Variants in GRIA3 observed in about 807,000 individuals in gnomAD.
GRIA3 encodes glutamate receptor 3.
Under a neutral mutation model 63.0 loss-of-function variants are expected in GRIA3, and 3 were observed. The ratio of observed to expected loss-of-function variants is 0.05; its 90% CI spans 0.02 to 0.12. The LOEUF is 0.12. GRIA3 is among the 10% of genes least tolerant of loss of function. The pLI is 1.00. For synonymous variants in GRIA3, 274 were observed against 257.9 expected, an observed-to-expected ratio of 1.06 and a Z score of -0.60; for missense variants, 347 against 700.9, an observed-to-expected ratio of 0.50 and a Z score of 5.70.
At chrX:123,401,133 C>T (rs748493974) in intron 7 of GRIA3, among the ~76,000 whole-genome samples, 4 of 111,511 alleles carry the variant, frequency 3.6e-5, no homozygotes, top group Non-Finnish European at 7.6e-5. Context: ...AGACGGGATG[C>T]GGGGAAACTG....
intron 2 of GRIA3, among the ~76,000 whole-genome samples, chrX:123,222,841 T>G (rs1433000508): frequency 8.9e-6 from 1 of 111,881 alleles, no homozygotes. Flanking sequence ...TTCTGACTGT[T>G]CTCCACTTTC....
chrX:123,407,034 T>C (rs898066583), intron 10 of GRIA3, among the ~76,000 whole-genome samples: 1 of 111,901 alleles, frequency 8.9e-6, no homozygotes. Context: ...CTTTAATGAA[T>C]CAATGCCTGG....
At chrX:123,260,422 CAGACAGAA>C (rs1256870467) in intron 3 of GRIA3, among the ~76,000 whole-genome samples, 17 of 5,804 alleles carry the variant, frequency 2.9e-3, no homozygotes, top group Non-Finnish European at 5.2e-3. Context: ...GACAGACAGA[CAGACAGAA>C]AGAAAGAAAG....
At chrX:123,462,271 T>G (rs2045797108) in intron 12 of GRIA3, among the ~76,000 whole-genome samples, 1 of 111,403 alleles carries the variant, frequency 9.0e-6, no homozygotes, top group Non-Finnish European at 1.9e-5. Flanking sequence ...ATCACACCCC[T>G]CCTCAAAATC....
chrX:123,286,129 C>CAACTACCT (rs2044618097), intron 3 of GRIA3, among the ~76,000 whole-genome samples: 1 of 111,778 alleles, frequency 8.9e-6, no homozygotes, highest in African/African-American at 3.3e-5. Context: ...CAAAACTGCG[C>CAACTACCT]GACTACCTGG....
chrX:123,367,735 C>A (rs746267078), intron 5 of GRIA3, among the ~76,000 whole-genome samples: 2 of 111,436 alleles, frequency 1.8e-5, no homozygotes, highest in Admixed American at 9.6e-5. Context: ...CCGTGTCCAG[C>A]CTTCTGGATG....
At chrX:123,199,705 G>A (rs932895384) in intron 2 of GRIA3, among the ~76,000 whole-genome samples, 2 of 111,619 alleles carry the variant, frequency 1.8e-5, no homozygotes. Context: ...TTAAGTAGGT[G>A]GCAGAGAGGA....
intron 2 of GRIA3, among the ~76,000 whole-genome samples, chrX:123,242,240 T>C (rs747516764): frequency 1.8e-5 from 2 of 112,307 alleles, no homozygotes; most frequent in South Asian, 7.5e-4. Context: ...TAGTTCATTT[T>C]TGAGAATAAT....
At chrX:123,465,551 C>T in intron 13 of GRIA3, 1 of 562,077 alleles carries the variant, frequency 1.8e-6, no homozygotes, top group Non-Finnish European at 3.1e-6. Context: ...GCTGTACAGA[C>T]ATTTTTATAG....
chrX:123,250,581 T>C (rs979569397), intron 2 of GRIA3, among the ~76,000 whole-genome samples: 10 of 111,794 alleles, frequency 8.9e-5, no homozygotes, highest in Non-Finnish European at 1.7e-4. Context: ...TATTTTTGTA[T>C]AGGATTCATG....
At chrX:123,403,214 G>A in intron 8 of GRIA3, 116 bp downstream of exon 8, 1 of 596,784 alleles carries the variant, frequency 1.7e-6, no homozygotes, top group East Asian at 3.3e-5. Flanking sequence ...AGTGGGAGAT[G>A]GGAACCTCCA....
intron 12 of GRIA3, among the ~76,000 whole-genome samples, chrX:123,441,811 C>A (rs1056561455): frequency 2.6e-5 from 2 of 77,315 alleles, no homozygotes; most frequent in Non-Finnish European, 5.0e-5. Context: ...GTATTCGCCA[C>A]CTTCCTCTGA....
At chrX:123,325,486 C>T (rs193158916) in intron 3 of GRIA3, among the ~76,000 whole-genome samples, 5 of 111,680 alleles carry the variant, frequency 4.5e-5, no homozygotes, top group South Asian at 3.8e-4. Context: ...CAAGAGCTCA[C>T]GAGTATGATA....
chrX:123,379,092 AC>A (rs1043161970), intron 5 of GRIA3, among the ~76,000 whole-genome samples: 11 of 111,389 alleles, frequency 9.9e-5, no homozygotes, highest in Non-Finnish European at 2.1e-4. Context: ...AGAGTTATGA[AC>A]AAATTAAATG....
At chrX:123,214,532 A>G (rs1349337855) in intron 2 of GRIA3, among the ~76,000 whole-genome samples, 2 of 111,787 alleles carry the variant, frequency 1.8e-5, no homozygotes, top group East Asian at 5.6e-4. Context: ...CACAGTTGAA[A>G]TCAGTCTAAA....
At chrX:123,471,865 A>T (rs1160806075) in intron 13 of GRIA3, among the ~76,000 whole-genome samples, 3 of 104,345 alleles carry the variant, frequency 2.9e-5, no homozygotes, top group Non-Finnish European at 5.9e-5. Flanking sequence ...TTGGCACATG[A>T]GGCTGATCCC....
At chrX:123,257,235 A>G (rs187178446) in intron 3 of GRIA3, among the ~76,000 whole-genome samples, 15 of 111,980 alleles carry the variant, frequency 1.3e-4, no homozygotes, top group African/African-American at 4.9e-4. Flanking sequence ...GCTAGCCCCT[A>G]GATTTATACT....
intron 11 of GRIA3, 98 bp downstream of exon 11, chrX:123,417,876 T>C (rs951064501): frequency 1.3e-6 from 1 of 757,654 alleles, no homozygotes; most frequent in Non-Finnish European, 2.0e-6. Context: ...CAGATTTTTT[T>C]CATTTAACAT....
intron 4 of GRIA3, among the ~76,000 whole-genome samples, chrX:123,338,701 C>T (rs1247077882): frequency 9.0e-6 from 1 of 111,375 alleles, no homozygotes; most frequent in Admixed American, 9.5e-5. Context: ...CAGGCATGTG[C>T]CACCACGCCG....
Sources: allele counts gnomAD v4.1 joint callset (sites outside exome capture counted in the v4.1 genomes callset), GRCh38; gene constraint gnomAD v4.1.1; transcripts MANE v1.5; gene names NCBI Gene and HGNC (gene_info 2026-07-23, HGNC 2026-07-21).